The following USP24 variants were observed in gnomAD, a reference collection of about 807,000 sequenced individuals.
USP24 encodes the protein ubiquitin specific peptidase 24, also known as ubiquitin carboxyl-terminal hydrolase 24.
In USP24, 97 loss-of-function variants were observed where a neutral mutation model predicts 361.6. That is an observed-to-expected ratio of 0.27 (90% CI 0.23 to 0.32). USP24 has a LOEUF of 0.32. Ranked by LOEUF, USP24 falls within the 10% of genes least tolerant of loss-of-function variation. The pLI is 1.00. For synonymous variants in USP24, 1,098 were observed against 1,124.6 expected (o/e 0.98, Z 0.47); for missense variants, 2,353 against 3,165.6 (o/e 0.74, Z 6.16).
chr1:55,198,213 T>C (rs1644469480), intron 1 of USP24, among the ~76,000 whole-genome samples: 1 of 152,182 alleles, frequency 6.6e-6, no homozygotes, highest in South Asian at 2.1e-4. Context: ...AATACCTCAC[T>C]TCAAGCAATC....
rs755274185 is a variant in USP24, at chr1:55,171,643, G to A, written c.738C>T (p.Asn246=). ...AATTCCTTTGAGACACTTTCATTCT[G>A]TTTTTAAAATGGTATTCATTATCAG... ...FNPDNEYHFK[N]RMKVSQRNWA... The change falls in exon 5 of 68, where the codon AAC becomes AAT. Residue 246 remains asparagine, a synonymous_variant. Coordinates refer to ENST00000294383, the MANE Select transcript of USP24 (RefSeq NM_015306.3). The A allele has an allele frequency of 6.2e-7, 1 of 1,606,496 alleles. No homozygotes were observed. The highest frequency in any genetic ancestry group is 1.1e-5 in the South Asian group (1 of 89,898).
intron 32 of USP24, among the ~76,000 whole-genome samples, chr1:55,128,240 T>C (rs191787475): frequency 1.3e-5 from 2 of 152,126 alleles, no homozygotes; most frequent in Non-Finnish European, 2.9e-5. Flanking sequence ...CTGCCCTTCA[T>C]CTCCTCTCTG....
intron 56 of USP24, among the ~76,000 whole-genome samples, chr1:55,084,967 T>C (rs1402638697): frequency 6.6e-6 from 1 of 152,234 alleles, no homozygotes; most frequent in African/African-American, 2.4e-5. Flanking sequence ...AGTGATATGG[T>C]CCTTATGTTA....
At position 55,164,302 on chromosome 1, in the gene USP24, CT is replaced by C. The variant is rs920023688; in HGVS notation, c.927+1582del. On this transcript the variant is annotated intron_variant, in intron 7 of 67. Coordinates refer to ENST00000294383, the MANE Select transcript of USP24 (RefSeq NM_015306.3). ...AAAAGCCAGAAAGGCATCTGTTAAA[CT>C]GGTAACCGTTACCTAGGTATGTGTG... Among the ~76,000 whole-genome samples, 12 of 152,178 alleles carry C rather than the reference CT, an allele frequency of 7.9e-5. No homozygotes were observed. In the East Asian group the frequency reaches 2.1e-3, roughly 27 times the overall value.
Position 55,097,731 on chromosome 1 carries a change from A to C in USP24, c.5596-14T>G, listed in dbSNP as rs1488830957. 24 of 1,527,064 alleles carry C rather than the reference A, an allele frequency of 1.6e-5. No individual in the cohort carries two copies. Among genetic ancestry groups the C allele is most frequent in the Non-Finnish European group, 2.1e-5 (24 of 1,142,774 alleles). 94.6% of individuals were successfully genotyped at this position (1,527,064 alleles called of 1,614,324 possible). On this transcript the variant is annotated splice_polypyrimidine_tract_variant and intron_variant, in intron 47 of 67. Coordinates refer to ENST00000294383, the MANE Select transcript of USP24 (RefSeq NM_015306.3). ...CACTGTTATTCTCTAAAGAAAAAAA[A>C]AAGGAAAAAGAGCAAATCTGAATGA...
At chr1:55,180,881 G>A (rs185627045) in intron 1 of USP24, among the ~76,000 whole-genome samples, 99 of 152,232 alleles carry the variant, frequency 6.5e-4, no homozygotes, top group Non-Finnish European at 1.4e-3. Flanking sequence ...CTAGAAGCTG[G>A]CACCTAGCAT....
At chr1:55,214,765 G>A in intron 1 of USP24, 25 bp downstream of exon 1, 6 of 1,215,064 alleles carry the variant, frequency 4.9e-6, no homozygotes, top group East Asian at 3.4e-5. Context: ...GCTTCCCACA[G>A]AGGTCTGGGG....
chr1:55,214,530 C>T (rs1459164688), intron 1 of USP24, among the ~76,000 whole-genome samples: 2 of 152,100 alleles, frequency 1.3e-5, no homozygotes, highest in Non-Finnish European at 2.9e-5. Context: ...CCCCTCCTCA[C>T]CCCAACCCAC....
rs1646932083 is a variant in USP24, at chr1:55,143,005, T to C, written c.2554A>G (p.Ile852Val). Residue 852 changes from isoleucine to valine, a missense_variant, in exon 22 of 68, where the codon ATT (isoleucine) becomes GTT (valine). Coordinates refer to ENST00000294383, the MANE Select transcript of USP24 (RefSeq NM_015306.3). ...AIQLIINYSY[I>V]NLNPRLKKDS... ...TTCTTTAATCTAGGATTTAGATTAA[T>C]GTAACTATAGTTTATGATTAGCTGA... The C allele has an allele frequency of 1.3e-6, 2 of 1,518,544 alleles. No homozygotes were observed. The highest frequency in any genetic ancestry group is 1.3e-5 in the South Asian group (1 of 77,916). 94.1% of individuals were successfully genotyped at this position (1,518,544 alleles called of 1,614,324 possible).
chr1:55,086,831 C>A (rs1362235386), intron 55 of USP24, among the ~76,000 whole-genome samples: 1 of 152,170 alleles, frequency 6.6e-6, no homozygotes, highest in Non-Finnish European at 1.5e-5. Flanking sequence ...TAAGGCAAGA[C>A]AGGCAAATGT....
At chr1:55,081,274 A>G in intron 59 of USP24, 48 bp downstream of exon 59, 1 of 1,567,186 alleles carries the variant, frequency 6.4e-7, no homozygotes, top group East Asian at 2.2e-5. Flanking sequence ...TTACTCTCCA[A>G]GCTAGACAAA....
At chr1:55,090,100 A>G (rs904273903) in intron 54 of USP24, among the ~76,000 whole-genome samples, 1 of 152,230 alleles carries the variant, frequency 6.6e-6, no homozygotes, top group Non-Finnish European at 1.5e-5. Context: ...ATTTACACTC[A>G]CAAAATGTCC....
At position 55,089,662 on chromosome 1, in the gene USP24, T is replaced by G; in HGVS notation, c.6633A>C (p.Glu2211Asp). The change falls in exon 55 of 68, where the codon GAA becomes GAC. Residue 2211 changes from glutamate (E) to aspartate (D), a missense_variant. This residue lies in a region of USP24 where 598 missense variants were observed against 761.9 expected (regional missense o/e 0.78). Coordinates refer to ENST00000294383, the MANE Select transcript of USP24 (RefSeq NM_015306.3). ...CTCGTCCTTCAGAACTAATAAAATA[T>G]TCAACTAACCACTGACAAGCATCAA... ...KSFDACQWLV[E>D]YFISSEGREL... 6.2e-7 allele frequency: 1 copy of G among 1,600,918 alleles called. No individual in the cohort carries two copies. The highest frequency in any genetic ancestry group is 1.3e-5 in the African/African-American group (1 of 74,952).
chr1:55,148,170 T>G (rs1180854303), intron 17 of USP24, among the ~76,000 whole-genome samples: 1 of 152,102 alleles, frequency 6.6e-6, no homozygotes, highest in African/African-American at 2.4e-5. Flanking sequence ...CAACAAGCTT[T>G]TTAATCTTTT....
chr1:55,156,857 G>T, intron 12 of USP24, 91 bp downstream of exon 12: 1 of 873,202 alleles, frequency 1.1e-6, no homozygotes. Flanking sequence ...GCAAGATAAA[G>T]TTTCCGTTTT....
At chr1:55,172,850 T>G (rs1346627875) in intron 3 of USP24, among the ~76,000 whole-genome samples, 2 of 152,200 alleles carry the variant, frequency 1.3e-5, no homozygotes, top group African/African-American at 4.8e-5. Context: ...ATTCCAGTAT[T>G]ACTGTTTTCT....
At chr1:55,181,128 T>C (rs911185016) in intron 1 of USP24, among the ~76,000 whole-genome samples, 5 of 151,916 alleles carry the variant, frequency 3.3e-5, no homozygotes, top group African/African-American at 7.2e-5. Context: ...ATAATCCCAT[T>C]TAAAAATCAT....
chr1:55,069,758 G>A (rs1472848453), intron 67 of USP24, among the ~76,000 whole-genome samples: 1 of 149,934 alleles, frequency 6.7e-6, no homozygotes, highest in Non-Finnish European at 1.5e-5. Flanking sequence ...TGTAATCCCA[G>A]CTACTTGGGA....
Position 55,177,900 on chromosome 1 carries a change from G to A in USP24, c.490+67C>T, listed in dbSNP as rs933297224. The A allele has an allele frequency of 1.2e-5, 17 of 1,440,238 alleles. No individual in the cohort carries two copies. In the Admixed American group the frequency reaches 1.7e-4, roughly 14 times the overall value. The allele number at this position is 1,440,238 out of a possible 1,614,324, so 89.2% of individuals were successfully genotyped here. On this transcript the variant is annotated intron_variant, in intron 2 of 67. Coordinates refer to ENST00000294383, the MANE Select transcript of USP24 (RefSeq NM_015306.3). ...AACACACAGCTAGGCAACAACAAAGGCTAAGATTAAACTCAGGCCTTCTAT... is the reference window on the plus strand; with the variant it reads ...AACACACAGCTAGGCAACAACAAAGACTAAGATTAAACTCAGGCCTTCTAT...
Sources: gnomAD v4.1 joint callset for allele counts (sites outside exome capture counted in the v4.1 genomes callset) on GRCh38, gnomAD v4.1.1 for gene constraint, gnomAD v4.1.1 regional missense constraint, MANE v1.5 for transcripts, NCBI Gene and HGNC (gene_info 2026-07-23, HGNC 2026-07-21) for gene names.